The following FSTL4 variants were observed in gnomAD, a reference collection of about 807,000 sequenced individuals.
FSTL4 encodes follistatin like 4.
Under a neutral mutation model 78.2 loss-of-function variants are expected in FSTL4, and 28 were observed. The observed-to-expected ratio is 0.36, with a 90% CI of 0.27 to 0.49. FSTL4 has a LOEUF of 0.49. FSTL4 is among the 20% of genes least tolerant of loss of function. The pLI, the probability that FSTL4 is intolerant of heterozygous loss-of-function variation, is 0.98. For synonymous variants in FSTL4, 422 were observed against 440.5 expected (o/e 0.96, Z 0.53); for missense variants, 922 against 1,084.9 (o/e 0.85, Z 2.11).
the FSTL4 span, among the ~76,000 whole-genome samples, chr5:133,644,014 T>C: frequency 6.6e-6 from 1 of 152,044 alleles, no homozygotes; most frequent in African/African-American, 2.4e-5. Context: ...TTCTAGTAAA[T>C]AAAATTAAAA....
chr5:133,770,759 G>C, the FSTL4 span, among the ~76,000 whole-genome samples: 1 of 151,910 alleles, frequency 6.6e-6, no homozygotes, highest in Non-Finnish European at 1.5e-5. Context: ...TATTCTTGTT[G>C]TTGTTTTGTT....
At chr5:133,641,399 A>G in the FSTL4 span, among the ~76,000 whole-genome samples, 1 of 152,192 alleles carries the variant, frequency 6.6e-6, no homozygotes, top group Non-Finnish European at 1.5e-5. Flanking sequence ...ATACTTGAAT[A>G]TTTTTAAAAC....
At chr5:133,228,793 A>G (rs1561631129) in intron 8 of FSTL4, among the ~76,000 whole-genome samples, 1 of 152,226 alleles carries the variant, frequency 6.6e-6, no homozygotes, top group Non-Finnish European at 1.5e-5. Flanking sequence ...AAACGACACC[A>G]TTCTTTTTCA....
chr5:133,414,733 A>C (rs1756542954), intron 3 of FSTL4, among the ~76,000 whole-genome samples: 1 of 152,244 alleles, frequency 6.6e-6, no homozygotes, highest in African/African-American at 2.4e-5. Flanking sequence ...CTTCGAGGTA[A>C]ATACCGGGGT....
chr5:133,220,978 G>A (rs538804003), intron 11 of FSTL4, 112 bp from the exon 12 acceptor site: 4 of 773,704 alleles, frequency 5.2e-6, no homozygotes, highest in South Asian at 4.1e-5. Context: ...TCTGGTGCAG[G>A]CACGAGATGC....
chr5:133,731,846 C>G, the FSTL4 span, among the ~76,000 whole-genome samples: 1 of 152,170 alleles, frequency 6.6e-6, no homozygotes, highest in African/African-American at 2.4e-5. Context: ...CAGAGACTTA[C>G]TCCAAAAGAA....
the FSTL4 span, among the ~76,000 whole-genome samples, chr5:133,711,365 A>G: frequency 6.6e-6 from 1 of 152,226 alleles, no homozygotes; most frequent in African/African-American, 2.4e-5. Context: ...AGCCTGCAGT[A>G]CAGAAGGAAA....
At chr5:133,479,429 C>T (rs1320423200) in intron 3 of FSTL4, among the ~76,000 whole-genome samples, 3 of 152,198 alleles carry the variant, frequency 2.0e-5, no homozygotes, top group Non-Finnish European at 2.9e-5. Flanking sequence ...GAGGGTAATA[C>T]AATAGCCAAA....
chr5:133,384,122 A>AG (rs1459257489), intron 4 of FSTL4, among the ~76,000 whole-genome samples: 9 of 152,220 alleles, frequency 5.9e-5, no homozygotes, highest in African/African-American at 2.2e-4. Context: ...TCTGGAATCA[A>AG]GCTGCTTCCC....
At chr5:133,624,979 T>A in the FSTL4 span, among the ~76,000 whole-genome samples, 1 of 151,752 alleles carries the variant, frequency 6.6e-6, no homozygotes, top group Admixed American at 6.6e-5. Context: ...TTCTCTTTAT[T>A]TCTCTTGGTA....
intron 2 of FSTL4, among the ~76,000 whole-genome samples, chr5:133,570,217 C>CAAAA (rs1189846054): frequency 6.6e-6 from 1 of 151,226 alleles, no homozygotes; most frequent in African/African-American, 2.4e-5. Context: ...AAAAAAAAAA[C>CAAAA]AAAAAACAAG....
chr5:133,795,383 T>C, the FSTL4 span, among the ~76,000 whole-genome samples: 1 of 152,148 alleles, frequency 6.6e-6, no homozygotes, highest in East Asian at 1.9e-4. Flanking sequence ...TGGAAGGAGA[T>C]TTCAAGCTTG....
chr5:133,752,328 G>A, the FSTL4 span, among the ~76,000 whole-genome samples: 1 of 152,206 alleles, frequency 6.6e-6, no homozygotes, highest in Non-Finnish European at 1.5e-5. Context: ...AGAGAGGGCA[G>A]CAAAGGCAAC....
chr5:133,711,082 T>A, the FSTL4 span, among the ~76,000 whole-genome samples: 1 of 152,172 alleles, frequency 6.6e-6, no homozygotes, highest in Non-Finnish European at 1.5e-5. Flanking sequence ...GTGTTCTCAG[T>A]CAGAGAATTT....
chr5:133,350,497 T>G (rs1754800165), intron 4 of FSTL4, among the ~76,000 whole-genome samples: 1 of 152,264 alleles, frequency 6.6e-6, no homozygotes, highest in Non-Finnish European at 1.5e-5. Flanking sequence ...ACTCCCTCTC[T>G]TCCTTCTTAA....
At chr5:133,368,860 T>G (rs1473297908) in intron 4 of FSTL4, among the ~76,000 whole-genome samples, 1 of 152,236 alleles carries the variant, frequency 6.6e-6, no homozygotes, top group Non-Finnish European at 1.5e-5. Context: ...CATGTTGGTT[T>G]GTCATCTAGC....
At chr5:133,443,483 G>A (rs573186764) in intron 3 of FSTL4, among the ~76,000 whole-genome samples, 1 of 152,338 alleles carries the variant, frequency 6.6e-6, no homozygotes, top group South Asian at 2.1e-4. Context: ...CAGGGCAAAT[G>A]GTTAACCCTT....
chr5:133,448,101 A>G (rs571018639), intron 3 of FSTL4, among the ~76,000 whole-genome samples: 29 of 152,242 alleles, frequency 1.9e-4, no homozygotes, highest in Admixed American at 1.6e-3. Flanking sequence ...GATGCTGAGA[A>G]CACACTTTAA....
chr5:133,315,332 T>A (rs1268358271), intron 5 of FSTL4, among the ~76,000 whole-genome samples: 4 of 152,216 alleles, frequency 2.6e-5, no homozygotes, highest in Non-Finnish European at 4.4e-5. Context: ...CACTTGACCT[T>A]AGGCAGTTTG....
Sources: gnomAD v4.1 joint callset for allele counts (sites outside exome capture counted in the v4.1 genomes callset) on GRCh38, gnomAD v4.1.1 for gene constraint, MANE v1.5 for transcripts, NCBI Gene and HGNC (gene_info 2026-07-23, HGNC 2026-07-21) for gene names.